GRIK3: variants seen among roughly 807,000 people sequenced by gnomAD.
The protein encoded by GRIK3 is glutamate ionotropic receptor kainate type subunit 3.
In GRIK3, 29 loss-of-function variants were observed where a neutral mutation model predicts 102.5. The ratio of observed to expected loss-of-function variants is 0.28; its 90% CI spans 0.21 to 0.39. The LOEUF is 0.39. Among genes scored for constraint, GRIK3 ranks in the 10% least tolerant of loss-of-function variants. GRIK3 has a pLI of 1.00. For missense variants in GRIK3, 908 were observed against 1,252.4 expected (o/e 0.73, Z 4.15); for synonymous variants, 511 against 504.9 (o/e 1.01, Z -0.16).
At chr1:36,871,176 C>T (rs1346840559) in intron 4 of GRIK3, among the ~76,000 whole-genome samples, 1 of 152,132 alleles carries the variant, frequency 6.6e-6, no homozygotes, top group African/African-American at 2.4e-5. Context: ...GCCTCTTGCT[C>T]CAGGGCACAC....
intron 1 of GRIK3, among the ~76,000 whole-genome samples, chr1:36,939,338 A>C (rs1641695232): frequency 6.6e-6 from 1 of 152,246 alleles, no homozygotes; most frequent in African/African-American, 2.4e-5. Flanking sequence ...GCAACAGAGA[A>C]AGACCCTGGA....
intron 1 of GRIK3, among the ~76,000 whole-genome samples, chr1:36,984,513 C>T (rs1642284001): frequency 6.6e-6 from 1 of 152,220 alleles, no homozygotes; most frequent in Non-Finnish European, 1.5e-5. Flanking sequence ...TTCCTGCTTA[C>T]CCAAACTCCA....
rs184839887 is a variant in GRIK3 at position 36,901,033 on chromosome 1, T to C, written c.116-9937A>G. On this transcript the variant is annotated intron_variant, in intron 1 of 15. Transcript: ENST00000373091. Reference sequence around the variant, plus strand: ...AACAGGACTCTCTCTATTAAAGAAATTGAATTAATAATAAACCTTACAAAG... The same window carrying C: ...AACAGGACTCTCTCTATTAAAGAAACTGAATTAATAATAAACCTTACAAAG... Among the ~76,000 whole-genome samples, 11 of 152,232 alleles carry C rather than the reference T, an allele frequency of 7.2e-5. No homozygotes were observed. The East Asian group carries it at 2.1e-3, about 29-fold the overall frequency.
intron 1 of GRIK3, among the ~76,000 whole-genome samples, chr1:36,986,310 T>C (rs1642303249): frequency 1.3e-5 from 2 of 152,168 alleles, no homozygotes; most frequent in South Asian, 2.1e-4. Flanking sequence ...AGTCCACCCA[T>C]ACATCAGTCT....
At chr1:36,845,969 T>A (rs1640515182) in intron 9 of GRIK3, among the ~76,000 whole-genome samples, 1 of 152,206 alleles carries the variant, frequency 6.6e-6, no homozygotes, top group South Asian at 2.1e-4. Flanking sequence ...AGTATCCAGA[T>A]ACCCGTGTGT....
At chr1:36,995,546 GA>G (rs1208087039) in intron 1 of GRIK3, among the ~76,000 whole-genome samples, 1 of 152,182 alleles carries the variant, frequency 6.6e-6, no homozygotes, top group East Asian at 1.9e-4. Flanking sequence ...TGTCTTCCAG[GA>G]ATCACATCAC....
chr1:36,943,262 A>C (rs1316211634), intron 1 of GRIK3, among the ~76,000 whole-genome samples: 1 of 152,134 alleles, frequency 6.6e-6, no homozygotes, highest in East Asian at 1.9e-4. Context: ...TAAAACATGA[A>C]AAGAAGCATG....
intron 10 of GRIK3, 150 bp from the exon 11 acceptor site, chr1:36,825,976 C>T: frequency 1.7e-6 from 1 of 599,872 alleles, no homozygotes; most frequent in South Asian, 2.1e-5. Context: ...CATTTACTAA[C>T]CCTCCTTCAG....
chr1:37,019,970 T>C (rs1642692933), intron 1 of GRIK3, among the ~76,000 whole-genome samples: 1 of 152,212 alleles, frequency 6.6e-6, no homozygotes, highest in Non-Finnish European at 1.5e-5. Context: ...TCTTAAATCC[T>C]TGGGGTCCAT....
intron 10 of GRIK3, among the ~76,000 whole-genome samples, chr1:36,832,275 C>T (rs1347713010): frequency 1.3e-5 from 2 of 152,200 alleles, no homozygotes; most frequent in African/African-American, 4.8e-5. Flanking sequence ...ACATAGTAGG[C>T]CTTTCATAGA....
intron 8 of GRIK3, among the ~76,000 whole-genome samples, chr1:36,852,758 T>C (rs1346477950): frequency 1.3e-5 from 2 of 152,188 alleles, no homozygotes; most frequent in African/African-American, 2.4e-5. Flanking sequence ...CTACATTTCA[T>C]ACACAGCAAC....
intron 1 of GRIK3, among the ~76,000 whole-genome samples, chr1:36,914,287 C>T (rs1285695966): frequency 6.6e-6 from 1 of 152,162 alleles, no homozygotes; most frequent in Non-Finnish European, 1.5e-5. Flanking sequence ...AAAATTGTGT[C>T]ATTGCTATTT....
At chr1:36,865,411 A>G (rs1640772441) in intron 5 of GRIK3, among the ~76,000 whole-genome samples, 1 of 152,216 alleles carries the variant, frequency 6.6e-6, no homozygotes, top group African/African-American at 2.4e-5. Context: ...GCCAGATGCC[A>G]CTGTCCTCCC....
chr1:36,879,944 G>A (rs921720401), intron 3 of GRIK3, among the ~76,000 whole-genome samples: 1 of 152,174 alleles, frequency 6.6e-6, no homozygotes, highest in Non-Finnish European at 1.5e-5. Flanking sequence ...GCTGGTGTGT[G>A]TGCGAGCAGA....
intron 1 of GRIK3, among the ~76,000 whole-genome samples, chr1:36,994,297 C>T (rs1368150351): frequency 6.6e-6 from 1 of 152,240 alleles, no homozygotes; most frequent in Non-Finnish European, 1.5e-5. Flanking sequence ...GGAAACTCTT[C>T]TAAAGAGCTT....
At chr1:36,874,378 C>A (rs1640889220) in intron 3 of GRIK3, among the ~76,000 whole-genome samples, 1 of 152,184 alleles carries the variant, frequency 6.6e-6, no homozygotes, top group Non-Finnish European at 1.5e-5. Flanking sequence ...CATGACTGGG[C>A]ATCAGGAACC....
chr1:36,852,862 T>TGTGACCCAGGG (rs1490433809), intron 8 of GRIK3, among the ~76,000 whole-genome samples: 5 of 152,180 alleles, frequency 3.3e-5, no homozygotes, highest in African/African-American at 1.2e-4. Context: ...TCCCAGGGGA[T>TGTGACCCAGGG]GCTGTGAATT....
intron 1 of GRIK3, among the ~76,000 whole-genome samples, chr1:37,008,067 C>T (rs1269647627): frequency 6.6e-6 from 1 of 152,226 alleles, no homozygotes; most frequent in Non-Finnish European, 1.5e-5. Flanking sequence ...CTCACCTCCA[C>T]CTCTTCTTCT....
chr1:36,915,505 T>G (rs1337366407), intron 1 of GRIK3, among the ~76,000 whole-genome samples: 1 of 152,236 alleles, frequency 6.6e-6, no homozygotes, highest in Non-Finnish European at 1.5e-5. Flanking sequence ...AAAGTGGTTT[T>G]TAACCAAAGC....
Sources: allele counts gnomAD v4.1 joint callset (sites outside exome capture counted in the v4.1 genomes callset), GRCh38; gene constraint gnomAD v4.1.1; transcripts MANE v1.5; gene names NCBI Gene and HGNC (gene_info 2026-07-23, HGNC 2026-07-21).